The following TBCD variants were observed in gnomAD, a reference collection of about 807,000 sequenced individuals.
TBCD encodes the protein tubulin-specific chaperone D.
TBCD carries 105 observed loss-of-function variants against 169.3 expected under a neutral mutation model. That is an observed-to-expected ratio of 0.62 (90% confidence interval 0.53 to 0.73). The LOEUF (loss-of-function observed/expected upper bound fraction) is 0.73, where lower values mean the gene tolerates loss of function less well. TBCD is among the 30% of genes least tolerant of loss of function. The pLI is 0.00. For synonymous variants in TBCD, 700 were observed against 643.9 expected (o/e 1.09, Z -1.32); for missense variants, 1,444 against 1,600.1 (o/e 0.90, Z 1.66).
rs748504336 is a variant in TBCD at position 82,806,916 on chromosome 17, C to T, written c.1088-692C>T. ...GTCCCGGGCGGGGCCCTGGGTCTGC[C>T]CCTTCCCCGTGTCCGCAGCCTGCCC... On this transcript the variant is annotated intron_variant, in intron 10 of 38. Coordinates refer to ENST00000355528, the MANE Select transcript of TBCD (RefSeq NM_005993.5). This position sits in a 1 kb window ranked among gnomAD's most constrained non-coding sequence, Gnocchi z 5.1. 1.5e-4 allele frequency among the ~76,000 whole-genome samples: 23 copies of T among 152,226 alleles called. No homozygotes were observed. The highest frequency in any genetic ancestry group is 2.9e-4 in the Non-Finnish European group (20 of 68,034).
At chr17:82,834,329 G>A (rs193291043) in intron 13 of TBCD, among the ~76,000 whole-genome samples, 1 of 152,348 alleles carries the variant, frequency 6.6e-6, no homozygotes, top group East Asian at 1.9e-4. Context: ...GTGCCTGGGA[G>A]ACAGGGTGAG....
At chr17:82,820,253 C>A (rs1218394961) in intron 13 of TBCD, among the ~76,000 whole-genome samples, 14 of 152,232 alleles carry the variant, frequency 9.2e-5, no homozygotes, top group Non-Finnish European at 2.1e-4. Context: ...GCTGGGATTA[C>A]AGGCGTGAGG....
chr17:82,918,417 G>A, intron 23 of TBCD: 1 of 152,172 alleles, frequency 6.6e-6, no homozygotes, highest in Non-Finnish European at 1.5e-5. Context: ...GGCATTTCGA[G>A]GTGGGCATTT....
At chr17:82,900,759 G>A (rs761590547) in intron 18 of TBCD, 28 bp downstream of exon 18, 22 of 1,574,778 alleles carry the variant, frequency 1.4e-5, no homozygotes, top group Non-Finnish European at 5.2e-6. Context: ...GTTTTTCTAA[G>A]AGCTTTTTTT....
At chr17:82,809,483 C>G (rs896961752) in intron 11 of TBCD, among the ~76,000 whole-genome samples, 5 of 152,144 alleles carry the variant, frequency 3.3e-5, no homozygotes, top group Admixed American at 1.3e-4. Context: ...TACCCTGTGC[C>G]GCGTGTGCTC....
intron 13 of TBCD, among the ~76,000 whole-genome samples, chr17:82,836,227 C>T (rs2053960481): frequency 2.0e-5 from 3 of 152,384 alleles, no homozygotes; most frequent in South Asian, 4.1e-4. Context: ...TCCAGCCAAA[C>T]GCTGGGCCAG....
intron 15 of TBCD, among the ~76,000 whole-genome samples, chr17:82,887,168 T>TGTGTGTGTGTGTGTGTGTGTGCGCGCGC: frequency 7.9e-6 from 1 of 126,100 alleles, no homozygotes. Flanking sequence ...TGTGTGTGTG[T>TGTGTGTGTGTGTGTGTGTGTGCGCGCGC]GCGCGCGCGC....
intron 13 of TBCD, among the ~76,000 whole-genome samples, chr17:82,822,501 G>A (rs999228515): frequency 6.6e-6 from 1 of 152,176 alleles, no homozygotes; most frequent in Admixed American, 6.5e-5. Context: ...GCACGAGCTG[G>A]GACAGCGGAA....
intron 13 of TBCD, among the ~76,000 whole-genome samples, chr17:82,822,008 C>T (rs1188066630): frequency 1.3e-5 from 2 of 152,186 alleles, no homozygotes; most frequent in Non-Finnish European, 2.9e-5. Flanking sequence ...TCATCGAAGA[C>T]GTACAAGCAG....
chr17:82,925,070 A>G lies in TBCD; in HGVS notation c.2379+13A>G, dbSNP rs1429183648. The stretch of plus-strand genomic sequence containing the variant: ...CCGGCTCCAGCAGGTGAGGCTGGCC[A>G]CGCGCAGTGGACGGGGCCTAGGGCG... On this transcript the variant is annotated intron_variant, in intron 27 of 38. Transcript: ENST00000355528. The G allele has an allele frequency of 1.3e-6, 2 of 1,543,840 alleles. No individual in the cohort carries two copies. The highest frequency in any genetic ancestry group is 1.8e-6 in the Non-Finnish European group (2 of 1,142,498).
chr17:82,797,934 T>C, intron 8 of TBCD, 132 bp downstream of exon 8: 1 of 541,540 alleles, frequency 1.8e-6, no homozygotes, highest in Non-Finnish European at 2.9e-6. Context: ...TATCGTTCTT[T>C]TTTTTGTTGT....
At chr17:82,926,290 G>A in intron 27 of TBCD, 110 bp from the exon 28 acceptor site, 2 of 989,790 alleles carry the variant, frequency 2.0e-6, no homozygotes, top group Non-Finnish European at 3.1e-6. Flanking sequence ...GCCAGGAGCT[G>A]CCTATCTCAT....
Position 82,776,993 on chromosome 17 carries a change from C to T in TBCD, c.638+4486C>T, listed in dbSNP as rs78768496. 7.3e-3 allele frequency among the ~76,000 whole-genome samples: 1,118 copies of T among 152,282 alleles called. 10 individuals are homozygous for T. The highest frequency in any genetic ancestry group is 0.026 in the African/African-American group (1,063 of 41,550). On this transcript the variant is annotated intron_variant, in intron 6 of 38. Coordinates refer to ENST00000355528, the MANE Select transcript of TBCD (RefSeq NM_005993.5). ...TGGGCTCCTTGGGGCCTTTTCTTCCCCACGAGTGTGAGTTTCCTCCGGTGA... is the reference window on the plus strand; with the variant it reads ...TGGGCTCCTTGGGGCCTTTTCTTCCTCACGAGTGTGAGTTTCCTCCGGTGA...
At position 82,920,407 on chromosome 17, in the gene TBCD, A is replaced by G; in HGVS notation, c.2039-149A>G. 1 of 682,758 alleles carries G rather than the reference A, an allele frequency of 1.5e-6. No homozygotes were observed. Among genetic ancestry groups the G allele is most frequent in the South Asian group, 1.7e-5 (1 of 59,292 alleles). The allele number at this position is 682,758 out of a possible 1,614,324, so 42.3% of individuals were successfully genotyped here. ...ATGGTGGTTCTGAAATGGTTCTGGGATGTTTCCAGCCCTGGCAGCAGGGTA... is the reference window on the plus strand; with the variant it reads ...ATGGTGGTTCTGAAATGGTTCTGGGGTGTTTCCAGCCCTGGCAGCAGGGTA... On this transcript the variant is annotated intron_variant, in intron 23 of 38. Transcript: ENST00000355528. The surrounding 1 kb of genome is among the most constrained non-coding windows in gnomAD (Gnocchi z 4.1).
Position 82,803,976 on chromosome 17 carries a change from C to T in TBCD, c.951-1899C>T, listed in dbSNP as rs1348742016. On this transcript the variant is annotated intron_variant, in intron 9 of 38. Transcript: ENST00000355528. Reference sequence around the variant, plus strand: ...AGGGGAGACTGGGGGCTGGGGTGTGCCTGCCTGTGGGGCGTTAGGGGAGAG... The same window carrying T: ...AGGGGAGACTGGGGGCTGGGGTGTGTCTGCCTGTGGGGCGTTAGGGGAGAG... 6.5e-5 allele frequency among the ~76,000 whole-genome samples: 9 copies of T among 138,110 alleles called. No individual in the cohort carries two copies. In the East Asian group the frequency reaches 1.8e-3, roughly 27 times the overall value. The allele number at this position is 138,110 out of a possible 152,430, so 90.6% of individuals were successfully genotyped here. A position where few individuals can be genotyped will look rare whatever the true frequency, so the allele number is the denominator to read the frequency against.
chr17:82,800,436 G>A (rs932047564), intron 8 of TBCD, among the ~76,000 whole-genome samples: 5 of 152,140 alleles, frequency 3.3e-5, no homozygotes, highest in African/African-American at 7.2e-5. Context: ...CTCCCCAGCC[G>A]CAGTGTGCTC....
At chr17:82,815,433 G>A (rs2051808657) in intron 13 of TBCD, among the ~76,000 whole-genome samples, 1 of 152,220 alleles carries the variant, frequency 6.6e-6, no homozygotes, top group Non-Finnish European at 1.5e-5. Context: ...TGGAGATGAG[G>A]CTCACGCCAG....
intron 17 of TBCD, among the ~76,000 whole-genome samples, chr17:82,897,069 G>GGTTAGTC (rs929201510): frequency 2.4e-4 from 37 of 152,184 alleles, no homozygotes; most frequent in African/African-American, 8.2e-4. Context: ...TTACTTATTA[G>GGTTAGTC]GTTAGTCGTT....
At position 82,807,653 on chromosome 17, in the gene TBCD, G is replaced by C. The variant is rs761562082; in HGVS notation, c.1133G>C (p.Trp378Ser). Residue 378 changes from tryptophan (W) to serine (S), a missense_variant, in exon 11 of 39, where the codon TGG becomes TCG. Coordinates refer to ENST00000355528, the MANE Select transcript of TBCD (RefSeq NM_005993.5). ...GLKDKDTVVR[W>S]SAAKGIGRMA... ...AAGGACAAGGACACGGTCGTGCGGTGGTCTGCAGCCAAGGGGTAGGTGTCT... is the reference window on the plus strand; with the variant it reads ...AAGGACAAGGACACGGTCGTGCGGTCGTCTGCAGCCAAGGGGTAGGTGTCT... 16 of 1,549,946 alleles carry C rather than the reference G, an allele frequency of 1.0e-5. No homozygotes were observed. The highest frequency in any genetic ancestry group is 2.6e-6 in the Non-Finnish European group (3 of 1,146,434).
Sources: allele counts gnomAD v4.1 joint callset (sites outside exome capture counted in the v4.1 genomes callset), GRCh38; gene constraint gnomAD v4.1.1; non-coding constraint Gnocchi (gnomAD v3.1); transcripts MANE v1.5; gene names NCBI Gene and HGNC (gene_info 2026-07-23, HGNC 2026-07-21).